CHCHD3: variants seen among roughly 807,000 people sequenced by gnomAD.
CHCHD3 encodes MICOS complex subunit MIC19.
In CHCHD3, 20 loss-of-function variants were observed where a neutral mutation model predicts 38.2. The observed-to-expected ratio is 0.52, with a 90% CI of 0.37 to 0.76. The LOEUF (loss-of-function observed/expected upper bound fraction) is 0.76, where lower values mean the gene tolerates loss of function less well. Among genes scored for constraint, CHCHD3 ranks in the 30% least tolerant of loss-of-function variants. The pLI, the probability that CHCHD3 is intolerant of heterozygous loss-of-function variation, is 0.00. For synonymous variants in CHCHD3, 82 were observed against 100.0 expected (o/e 0.82, Z 1.07); for missense variants, 245 against 279.2 (o/e 0.88, Z 0.87).
intron 6 of CHCHD3, among the ~76,000 whole-genome samples, chr7:132,827,755 G>A (rs1290790615): frequency 6.6e-6 from 1 of 152,064 alleles, no homozygotes; most frequent in African/African-American, 2.4e-5. Flanking sequence ...TTTGAACATC[G>A]TTTAAATGAA....
intron 3 of CHCHD3, among the ~76,000 whole-genome samples, chr7:132,984,200 T>C (rs1410170358): frequency 6.6e-6 from 1 of 151,648 alleles, no homozygotes; most frequent in Non-Finnish European, 1.5e-5. Context: ...GTGCCTGCGA[T>C]TGCAGGCGCA....
chr7:133,065,297 T>C (rs1227741676), intron 2 of CHCHD3, among the ~76,000 whole-genome samples: 2 of 152,184 alleles, frequency 1.3e-5, no homozygotes, highest in Non-Finnish European at 2.9e-5. Flanking sequence ...AACGAGCCAC[T>C]GATCTGGTTC....
intron 2 of CHCHD3, among the ~76,000 whole-genome samples, chr7:133,033,255 A>G (rs1039495608): frequency 6.6e-6 from 1 of 152,232 alleles, no homozygotes; most frequent in South Asian, 2.1e-4. Flanking sequence ...GTTTATATAT[A>G]AAACAACTAA....
At chr7:132,917,936 G>A (rs778242128) in intron 4 of CHCHD3, among the ~76,000 whole-genome samples, 7 of 150,672 alleles carry the variant, frequency 4.6e-5, no homozygotes, top group African/African-American at 1.7e-4. Flanking sequence ...ATGTTTAAGA[G>A]GTAAAAACAA....
intron 3 of CHCHD3, among the ~76,000 whole-genome samples, chr7:132,977,350 G>A (rs755833628): frequency 2.6e-5 from 4 of 152,172 alleles, no homozygotes; most frequent in Non-Finnish European, 5.9e-5. Flanking sequence ...TCTGATGCAT[G>A]CTAAAGTTTA....
At chr7:132,852,931 T>C (rs1808254027) in intron 5 of CHCHD3, among the ~76,000 whole-genome samples, 1 of 152,154 alleles carries the variant, frequency 6.6e-6, no homozygotes, top group African/African-American at 2.4e-5. Context: ...ATTCAGAAAA[T>C]CTACCTAAGA....
intron 3 of CHCHD3, among the ~76,000 whole-genome samples, chr7:132,989,582 G>A (rs1812215160): frequency 6.6e-6 from 1 of 152,108 alleles, no homozygotes; most frequent in Non-Finnish European, 1.5e-5. Flanking sequence ...AGTACCACCT[G>A]TCCTGGATGC....
At chr7:132,969,158 GTT>G (rs201954730) in intron 4 of CHCHD3, among the ~76,000 whole-genome samples, 1,603 of 141,860 alleles carry the variant, frequency 0.011, 27 homozygotes, top group African/African-American at 0.039. Flanking sequence ...TTTTTACTGT[GTT>G]TTTTTTTTTT....
chr7:132,941,360 T>A (rs147450494), intron 4 of CHCHD3, among the ~76,000 whole-genome samples: 3 of 152,222 alleles, frequency 2.0e-5, no homozygotes, highest in African/African-American at 4.8e-5. Context: ...CATCCTCAGC[T>A]ACATGACACT....
At chr7:132,948,659 T>TA (rs1214446707) in intron 4 of CHCHD3, among the ~76,000 whole-genome samples, 1 of 152,126 alleles carries the variant, frequency 6.6e-6, no homozygotes, top group Non-Finnish European at 1.5e-5. Context: ...CTACTGAACA[T>TA]ACTATATCAA....
chr7:132,836,711 G>A (rs1807792123), intron 6 of CHCHD3, among the ~76,000 whole-genome samples: 1 of 152,040 alleles, frequency 6.6e-6, no homozygotes, highest in South Asian at 2.1e-4. Flanking sequence ...CAGGCCTCAA[G>A]CGATCCTCCT....
intron 2 of CHCHD3, among the ~76,000 whole-genome samples, chr7:133,060,338 C>T (rs1814467544): frequency 6.6e-6 from 1 of 152,110 alleles, no homozygotes. Flanking sequence ...AAAATAGAAG[C>T]TATGGGATCT....
intron 2 of CHCHD3, among the ~76,000 whole-genome samples, chr7:133,033,719 C>A (rs1813568784): frequency 6.6e-6 from 1 of 152,082 alleles, no homozygotes; most frequent in South Asian, 2.1e-4. Flanking sequence ...TTAAGGTGCC[C>A]AAACATGACT....
intron 5 of CHCHD3, among the ~76,000 whole-genome samples, chr7:132,849,908 T>G (rs1212120271): frequency 1.3e-5 from 2 of 152,168 alleles, no homozygotes; most frequent in East Asian, 3.8e-4. Context: ...GGGGCTCTGA[T>G]GACACTGAAG....
At chr7:132,985,475 G>A (rs1293764919) in intron 3 of CHCHD3, among the ~76,000 whole-genome samples, 5 of 66,998 alleles carry the variant, frequency 7.5e-5, no homozygotes, top group Non-Finnish European at 1.2e-4. Flanking sequence ...CCCTCTGCCC[G>A]GCCAGCCGCC....
intron 4 of CHCHD3, chr7:132,972,804 A>G (rs899189269): frequency 2.2e-5 from 22 of 985,330 alleles, no homozygotes; most frequent in Non-Finnish European, 2.5e-5. Context: ...AGTTGTGAGT[A>G]CTACAATTTG....
At chr7:132,899,119 C>T (rs888883349) in intron 4 of CHCHD3, among the ~76,000 whole-genome samples, 3 of 152,162 alleles carry the variant, frequency 2.0e-5, no homozygotes, top group Admixed American at 6.5e-5. Flanking sequence ...GCAGAGGAGG[C>T]GCCGAGAGCG....
At chr7:132,960,152 T>C (rs1195269103) in intron 4 of CHCHD3, among the ~76,000 whole-genome samples, 2 of 152,126 alleles carry the variant, frequency 1.3e-5, no homozygotes, top group African/African-American at 4.8e-5. Context: ...ACTTGTACCA[T>C]GTCATTTACA....
chr7:132,927,364 G>A (rs796836672), intron 4 of CHCHD3, among the ~76,000 whole-genome samples: 12 of 152,250 alleles, frequency 7.9e-5, no homozygotes, highest in African/African-American at 7.2e-5. Context: ...CTTAACAGCC[G>A]TCAACCACAT....
Sources: allele counts gnomAD v4.1 joint callset (sites outside exome capture counted in the v4.1 genomes callset), GRCh38; gene constraint gnomAD v4.1.1; transcripts MANE v1.5; gene names NCBI Gene and HGNC (gene_info 2026-07-23, HGNC 2026-07-21).